ZNF816: variants seen among roughly 807,000 people sequenced by gnomAD.
The protein encoded by ZNF816 is zinc finger protein 816, also known as zinc finger protein 816A.
ZNF816 carries 11 observed loss-of-function variants against 8.3 expected under a neutral mutation model. That is an observed-to-expected ratio of 1.32 (90% CI 0.83 to 2.19). ZNF816 has a LOEUF of 2.19. Among genes scored for constraint, ZNF816 ranks in the 30% most tolerant of loss-of-function variants. The probability of loss-of-function intolerance (pLI) is 0.00; values close to 1 mark genes in which losing one functional copy is unlikely to be tolerated. For synonymous variants in ZNF816, 255 were observed against 254.5 expected (o/e 1.00, Z -0.02); for missense variants, 710 against 779.3 (o/e 0.91, Z 1.06).
intron 2 of ZNF816, chr19:52,953,193 C>A (rs926050969): frequency 7.9e-6 from 2 of 251,786 alleles, no homozygotes; most frequent in Non-Finnish European, 1.5e-5. Flanking sequence ...CTCAGGAGTT[C>A]GAGCCCAGGA....
chr19:52,949,495 G>T lies in ZNF816; in HGVS notation c.*324C>A. 1 of 526,582 alleles carries T rather than the reference G, an allele frequency of 1.9e-6. No homozygotes were observed. The highest frequency in any genetic ancestry group is 3.6e-6 in the Non-Finnish European group (1 of 274,618). 32.6% of individuals were successfully genotyped at this position (526,582 alleles called of 1,614,324 possible). ...TGAAGACCTTGCCACCCTTACATTT[G>T]TAAGGCATCTGTCCAGTATGAATTC... On this transcript the variant is annotated 3_prime_UTR_variant, in exon 4 of 4. Coordinates refer to ENST00000444460, the MANE Select transcript of ZNF816 (RefSeq NM_001202457.3).
chr19:52,950,958 C>A lies in ZNF816; in HGVS notation c.817G>T (p.Val273Leu), dbSNP rs1343998202. 7 of 1,614,054 alleles carry A rather than the reference C, an allele frequency of 4.3e-6. No individual in the cohort carries two copies. Among genetic ancestry groups the A allele is most frequent in the Non-Finnish European group, 5.9e-6 (7 of 1,180,040 alleles). The change falls in exon 4 of 4, where the codon GTA (valine) becomes TTA (leucine). Residue 273 changes from valine to leucine, a missense_variant. By Grantham distance (32) the Val-to-Leu change is conservative. Transcript: ENST00000444460. Reference protein sequence around the residue: ...GKIFNQKQYIVYHHRCHTGEK... With the variant: ...GKIFNQKQYILYHHRCHTGEK... ...CCAGTGTGACATCTATGATGATATA[C>A]AATGTATTGCTTCTGATTAAAGATC...
In ZNF816 at chr19:52,951,456, T is replaced by C. The variant is rs1252512450; in HGVS notation, c.319A>G (p.Lys107Glu). The C allele has an allele frequency of 1.2e-6, 2 of 1,614,068 alleles. No homozygotes were observed. The highest frequency in any genetic ancestry group is 1.7e-4 in the Middle Eastern group (1 of 6,060). The change falls in exon 4 of 4, where the codon AAG becomes GAG. Residue 107 changes from lysine (K) to glutamate (E), a missense_variant. Physicochemically the swap from Lys to Glu is moderately conservative, Grantham distance 56 (BLOSUM62 1). Coordinates refer to ENST00000444460, the MANE Select transcript of ZNF816 (RefSeq NM_001202457.3). Reference protein sequence around the residue: ...HIGDFCFPEMKKDIHHFEFQW... With the variant: ...HIGDFCFPEMEKDIHHFEFQW... Reference sequence around the variant, plus strand: ...AACTCAAAGTGATGAATATCTTTCTTCATTTCTGGGAAGCAAAAATCTCCA... The same window carrying C: ...AACTCAAAGTGATGAATATCTTTCTCCATTTCTGGGAAGCAAAAATCTCCA...
intron 3 of ZNF816, 41 bp from the exon 4 acceptor site, chr19:52,951,625 G>C: frequency 6.8e-7 from 1 of 1,471,702 alleles, no homozygotes; most frequent in East Asian, 2.3e-5. Context: ...ATTAAGTACA[G>C]ATGGTAAATA....
In ZNF816 at chr19:52,957,559, A is replaced by C. The variant is rs2083520452; in HGVS notation, c.-15-1455T>G. 6.6e-6 allele frequency among the ~76,000 whole-genome samples: 1 copy of C among 152,152 alleles called. No individual in the cohort carries two copies. The highest frequency in any genetic ancestry group is 1.5e-5 in the Non-Finnish European group (1 of 68,032). On this transcript the variant is annotated intron_variant, in intron 1 of 3. Coordinates refer to ENST00000444460, the MANE Select transcript of ZNF816 (RefSeq NM_001202457.3). The surrounding 1 kb of genome is among the most constrained non-coding windows in gnomAD (Gnocchi z 4.6). ...AGGAGGACCAGGCTCAACTGCCCCC[A>C]AGGAGCCCATGGTCAAGATGACAGT...
At position 52,950,794 on chromosome 19, in the gene ZNF816, G is replaced by C. The variant is rs374342870; in HGVS notation, c.981C>G (p.Ser327=). 40 of 1,613,400 alleles carry C rather than the reference G, an allele frequency of 2.5e-5. No individual in the cohort carries two copies. The highest frequency in any genetic ancestry group is 3.3e-4 in the Middle Eastern group (2 of 6,084). The change falls in exon 4 of 4, where the codon TCC becomes TCG. Residue 327 remains serine, a synonymous_variant. Coordinates refer to ENST00000444460, the MANE Select transcript of ZNF816 (RefSeq NM_001202457.3). Reference sequence around the variant, plus strand: ...TATGAAGTCTACGATGGCATCTAAGGGATGACTTCTCACTGAAGGTCTTGC... The same window carrying C: ...TATGAAGTCTACGATGGCATCTAAGCGATGACTTCTCACTGAAGGTCTTGC... ...ECGKTFSEKS[S]LRCHRRLHTG... is the part of the protein sequence containing the mutation.
At chr19:52,960,416 C>T (rs1414572355) in intron 1 of ZNF816, among the ~76,000 whole-genome samples, 1 of 152,270 alleles carries the variant, frequency 6.6e-6, no homozygotes, top group Non-Finnish European at 1.5e-5. Flanking sequence ...ACGGCCCTTA[C>T]GAATCAGCTC....
At chr19:52,953,600 A>G (rs1190534565) in intron 2 of ZNF816, among the ~76,000 whole-genome samples, 1 of 43,958 alleles carries the variant, frequency 2.3e-5, no homozygotes, top group East Asian at 4.4e-4. Flanking sequence ...AATATTATAT[A>G]TAATATGTAT....
At chr19:52,952,175 C>T (rs369253815) in intron 3 of ZNF816, among the ~76,000 whole-genome samples, 16 of 152,202 alleles carry the variant, frequency 1.1e-4, no homozygotes, top group African/African-American at 3.9e-4. Context: ...TCAAGACCAA[C>T]TTGGCCAACA....
At chr19:52,955,494 A>T (rs1355696596) in intron 2 of ZNF816, among the ~76,000 whole-genome samples, 2 of 152,190 alleles carry the variant, frequency 1.3e-5, no homozygotes, top group Non-Finnish European at 2.9e-5. Context: ...TGCACTCCAG[A>T]CTGGGCCCCA....
chr19:52,962,037 CACA>C lies in ZNF816; in HGVS notation c.-16+687_-16+689del, dbSNP rs147953531. The stretch of plus-strand genomic sequence containing the variant: ...CTAGGACAGAAGTTGTATACAACAG[CACA>C]ACAAGGACAGTCACTTGGTGAGGCT... On this transcript the variant is annotated intron_variant, in intron 1 of 3. Transcript: ENST00000444460. Among the ~76,000 whole-genome samples, 107 of 152,306 alleles carry C rather than the reference CACA, an allele frequency of 7.0e-4. 1 individual carries two copies. In the East Asian group the frequency reaches 0.018, roughly 25 times the overall value.
intron 1 of ZNF816, 119 bp from the exon 2 acceptor site, chr19:52,956,223 G>C (rs1326736971): frequency 8.9e-7 from 1 of 1,119,018 alleles, no homozygotes; most frequent in Non-Finnish European, 1.3e-6. Flanking sequence ...GCTACCCACT[G>C]CACCAGAGAC....
intron 2 of ZNF816, among the ~76,000 whole-genome samples, chr19:52,954,836 A>C (rs546767879): frequency 1.4e-5 from 2 of 138,960 alleles, no homozygotes; most frequent in African/African-American, 5.6e-5. Flanking sequence ...AAAAAACCCC[A>C]TTCATCAAAT....
chr19:52,951,585 C>T lies in ZNF816; in HGVS notation c.191-1G>A. 3.3e-6 allele frequency: 5 copies of T among 1,530,260 alleles called. No homozygotes were observed. Among genetic ancestry groups the T allele is most frequent in the Non-Finnish European group, 4.4e-6 (5 of 1,143,240 alleles). 94.8% of individuals were successfully genotyped at this position (1,530,260 alleles called of 1,614,324 possible). A position where few individuals can be genotyped will look rare whatever the true frequency, so the allele number is the denominator to read the frequency against. ...TCCATCATGGATTTTAAAGAGCTATCTAAAAAATATAAAGACCAATAGGTT... is the reference window on the plus strand; with the variant it reads ...TCCATCATGGATTTTAAAGAGCTATTTAAAAAATATAAAGACCAATAGGTT... On this transcript the variant is annotated splice_acceptor_variant, in intron 3 of 3. Coordinates refer to ENST00000444460, the MANE Select transcript of ZNF816 (RefSeq NM_001202457.3). LOFTEE classifies it high-confidence loss of function.
At chr19:52,958,367 C>T (rs143376314) in intron 1 of ZNF816, among the ~76,000 whole-genome samples, 1 of 152,260 alleles carries the variant, frequency 6.6e-6, no homozygotes, top group African/African-American at 2.4e-5. Flanking sequence ...TAGACTAGCC[C>T]CTCAGAGCCA....
intron 1 of ZNF816, among the ~76,000 whole-genome samples, chr19:52,958,635 G>A (rs187298077): frequency 2.0e-5 from 3 of 152,260 alleles, no homozygotes; most frequent in Non-Finnish European, 4.4e-5. Context: ...GAGGACTATA[G>A]GTATAAGTTG....
chr19:52,950,522 A>C lies in ZNF816; in HGVS notation c.1253T>G (p.Ile418Ser), dbSNP rs1253729681. ...RRSHLERHRK[I>S]HTGEGSYKCK... is the part of the protein sequence containing the mutation. ...TTTGTATGATCCCTCTCCAGTATGA[A>C]TCTTCCTATGTCTTTCAAGGTGTGA... is the stretch of plus-strand genomic sequence containing the variant. The change falls in exon 4 of 4, where the codon ATT becomes AGT. Residue 418 changes from isoleucine to serine, a missense_variant. Transcript: ENST00000444460. 4 of 1,613,120 alleles carry C rather than the reference A, an allele frequency of 2.5e-6. No individual in the cohort carries two copies. The highest frequency in any genetic ancestry group is 3.4e-6 in the Non-Finnish European group (4 of 1,179,620).
At chr19:52,955,614 T>C (rs762879715) in intron 2 of ZNF816, among the ~76,000 whole-genome samples, 1 of 152,224 alleles carries the variant, frequency 6.6e-6, no homozygotes, top group Non-Finnish European at 1.5e-5. Context: ...TCCCCTAGTT[T>C]GTCTCCTCTT....
Position 52,951,353 on chromosome 19 carries a change from CG to C in ZNF816, c.421del (p.Arg141GlufsTer18). The C allele has an allele frequency of 6.2e-7, 1 of 1,614,148 alleles. No homozygotes were observed. The highest frequency in any genetic ancestry group is 1.7e-5 in the Admixed American group (1 of 60,018). Reference sequence around the variant, plus strand: ...GTTTCCAGCATGCCTGTGATCACTTCGGTCTGTACTACCAGTCAACTTTTTG... The same window carrying C: ...GTTTCCAGCATGCCTGTGATCACTTCGTCTGTACTACCAGTCAACTTTTTG... ...KIKKLTGSTD[R>X]SDHRHAGNKP... On this transcript the variant is annotated frameshift_variant, in exon 4 of 4. Coordinates refer to ENST00000444460, the MANE Select transcript of ZNF816 (RefSeq NM_001202457.3). LOFTEE classifies it low-confidence loss of function (END_TRUNC).
Sources: allele counts gnomAD v4.1 joint callset (sites outside exome capture counted in the v4.1 genomes callset), GRCh38; gene constraint gnomAD v4.1.1; non-coding constraint Gnocchi (gnomAD v3.1); transcripts MANE v1.5; gene names NCBI Gene and HGNC (gene_info 2026-07-23, HGNC 2026-07-21).